ATG10: variants seen among roughly 807,000 people sequenced by gnomAD.
ATG10 encodes ubiquitin-like-conjugating enzyme ATG10.
Under a neutral mutation model 32.1 loss-of-function variants are expected in ATG10, and 30 were observed. That is an observed-to-expected ratio of 0.94 (90% CI 0.70 to 1.27). The LOEUF (loss-of-function observed/expected upper bound fraction) is 1.27. ATG10 is among the 50% of genes most tolerant of loss of function. The pLI, the probability that ATG10 is intolerant of heterozygous loss-of-function variation, is 0.00. For synonymous variants in ATG10, 87 were observed against 91.5 expected (o/e 0.95, Z 0.28); for missense variants, 233 against 262.3 (o/e 0.89, Z 0.77).
chr5:82,015,169 G>C (rs564704019), intron 2 of ATG10, among the ~76,000 whole-genome samples: 204 of 152,190 alleles, frequency 1.3e-3, no homozygotes, highest in Non-Finnish European at 2.4e-3. Flanking sequence ...CTCTCTCCTG[G>C]CTTGTAGAGT....
intron 5 of ATG10, among the ~76,000 whole-genome samples, chr5:82,244,946 A>G (rs1468385610): frequency 6.6e-6 from 1 of 151,436 alleles, no homozygotes; most frequent in Non-Finnish European, 1.5e-5. Context: ...ACTTTGTTCC[A>G]GTAGAAGTGT....
intron 2 of ATG10, among the ~76,000 whole-genome samples, chr5:82,031,944 T>C (rs1762753158): frequency 6.6e-6 from 1 of 152,254 alleles, no homozygotes; most frequent in African/African-American, 2.4e-5. Flanking sequence ...TTGGAGCAAC[T>C]ATAGCAGCCT....
chr5:82,126,874 A>G (rs1766301272), intron 3 of ATG10, among the ~76,000 whole-genome samples: 1 of 152,246 alleles, frequency 6.6e-6, no homozygotes, highest in African/African-American at 2.4e-5. Context: ...TCCTCTTTGT[A>G]CCTCTGGTAG....
intron 3 of ATG10, among the ~76,000 whole-genome samples, chr5:82,062,513 C>CT (rs1400388816): frequency 6.6e-6 from 1 of 152,058 alleles, no homozygotes; most frequent in Non-Finnish European, 1.5e-5. Flanking sequence ...TTCTTACTTC[C>CT]TGTTTTGGTT....
intron 2 of ATG10, among the ~76,000 whole-genome samples, chr5:82,054,519 T>C (rs1434462564): frequency 6.6e-6 from 1 of 152,194 alleles, no homozygotes; most frequent in Non-Finnish European, 1.5e-5. Flanking sequence ...GGTCCTGCTC[T>C]CTTGCAGAAT....
chr5:82,084,093 A>C (rs746857085), intron 3 of ATG10, among the ~76,000 whole-genome samples: 7 of 152,220 alleles, frequency 4.6e-5, no homozygotes, highest in Non-Finnish European at 7.3e-5. Context: ...AAAAAAGATT[A>C]GACGAATGGC....
rs138862715 is a variant in ATG10, at chr5:82,205,667, A to G, written c.453+27080A>G. 3.4e-3 allele frequency among the ~76,000 whole-genome samples: 523 copies of G among 152,332 alleles called. 4 individuals carry two copies. The highest frequency in any genetic ancestry group is 0.012 in the African/African-American group (499 of 41,578). On this transcript the variant is annotated intron_variant, in intron 5 of 7. Coordinates refer to ENST00000282185, the MANE Select transcript of ATG10 (RefSeq NM_031482.5). The stretch of plus-strand genomic sequence containing the variant: ...AAATCTGCTGTCAGAGAGAGATTTT[A>G]TGGCTTTAGAACAAATGGAAAAGAT...
chr5:82,249,198 C>A (rs1747146142), intron 5 of ATG10, among the ~76,000 whole-genome samples: 1 of 151,936 alleles, frequency 6.6e-6, no homozygotes, highest in Admixed American at 6.6e-5. Context: ...AATTTAAATT[C>A]ATTTAAATTA....
intron 2 of ATG10, among the ~76,000 whole-genome samples, chr5:82,037,655 A>G (rs1402858607): frequency 1.3e-5 from 2 of 152,080 alleles, no homozygotes; most frequent in Admixed American, 6.5e-5. Flanking sequence ...TTAAGTATGT[A>G]TTTTTATTAG....
chr5:82,150,235 G>T (rs973505617), intron 3 of ATG10, among the ~76,000 whole-genome samples: 28 of 141,870 alleles, frequency 2.0e-4, no homozygotes, highest in African/African-American at 6.2e-4. Context: ...TTCTGGAGTT[G>T]TTTTTTTTTT....
chr5:82,239,012 A>C (rs1054196301), intron 5 of ATG10, among the ~76,000 whole-genome samples: 17 of 152,350 alleles, frequency 1.1e-4, no homozygotes, highest in African/African-American at 4.1e-4. Context: ...CATATTTGAC[A>C]TAATTTTTTA....
chr5:82,254,774 G>T lies in ATG10; in HGVS notation c.*711G>T, dbSNP rs1227614228. ...AAGATATATAAAAATTAAATTACTG[G>T]ATTTACCTGTCCCTGAAACTGGTGT... On this transcript the variant is annotated 3_prime_UTR_variant, in exon 8 of 8. Transcript: ENST00000282185. 2 of 151,866 alleles carry T rather than the reference G, an allele frequency of 1.3e-5. No individual in the cohort carries two copies. Among genetic ancestry groups the T allele is most frequent in the Non-Finnish European group, 2.9e-5 (2 of 67,980 alleles). 9.4% of individuals were successfully genotyped at this position (151,866 alleles called of 1,614,324 possible). A position where few individuals can be genotyped will look rare whatever the true frequency, so the allele number is the denominator to read the frequency against.
chr5:82,098,468 G>A lies in ATG10; in HGVS notation c.216+39866G>A, dbSNP rs1054718237. Among the ~76,000 whole-genome samples the A allele has an allele frequency of 1.5e-4, 23 of 151,904 alleles. No individual in the cohort carries two copies. The South Asian group carries it at 3.8e-3, about 25-fold the overall frequency. ...TGGGATTGCAGGCGCCCACCACCAC[G>A]CCCTGCTAATTTTTGTTTTTTTAGT... On this transcript the variant is annotated intron_variant, in intron 3 of 7. Transcript: ENST00000282185.
chr5:82,034,066 A>G (rs923784051), intron 2 of ATG10, among the ~76,000 whole-genome samples: 2 of 149,992 alleles, frequency 1.3e-5, no homozygotes, highest in African/African-American at 4.9e-5. Flanking sequence ...ATATATGTGT[A>G]TATTGTATGT....
chr5:82,091,064 G>C (rs1343374885), intron 3 of ATG10, among the ~76,000 whole-genome samples: 1 of 152,114 alleles, frequency 6.6e-6, no homozygotes, highest in Non-Finnish European at 1.5e-5. Flanking sequence ...ATTTTACAGA[G>C]AGCTTACTGA....
chr5:82,146,679 C>T (rs1210716233), intron 3 of ATG10, among the ~76,000 whole-genome samples: 4 of 151,266 alleles, frequency 2.6e-5, no homozygotes, highest in South Asian at 2.1e-4. Flanking sequence ...TTATTCTTTC[C>T]TCAGTCATCT....
intron 2 of ATG10, among the ~76,000 whole-genome samples, chr5:81,995,126 A>ATGTGTG (rs148857001): frequency 1.3e-5 from 2 of 149,652 alleles, no homozygotes; most frequent in African/African-American, 4.9e-5. Flanking sequence ...ATGTGTGTGT[A>ATGTGTG]TGTGTGTGTG....
At chr5:82,106,485 C>T (rs1319173102) in intron 3 of ATG10, among the ~76,000 whole-genome samples, 6 of 152,094 alleles carry the variant, frequency 3.9e-5, no homozygotes, top group Admixed American at 2.0e-4. Context: ...CATGAATCCA[C>T]TGCCTTTTCC....
At chr5:81,979,937 G>A (rs1760988632) in intron 1 of ATG10, among the ~76,000 whole-genome samples, 1 of 151,406 alleles carries the variant, frequency 6.6e-6, no homozygotes, top group Non-Finnish European at 1.5e-5. Context: ...GGTTGGACCT[G>A]TGTTCTTTGT....
Sources: gnomAD v4.1 joint callset for allele counts (sites outside exome capture counted in the v4.1 genomes callset) on GRCh38, gnomAD v4.1.1 for gene constraint, MANE v1.5 for transcripts, NCBI Gene and HGNC (gene_info 2026-07-23, HGNC 2026-07-21) for gene names.